The following PCDHGA4 variants were observed in gnomAD, a reference collection of about 807,000 sequenced individuals.
PCDHGA4 encodes protocadherin gamma subfamily A, 4.
PCDHGA4 carries 38 observed loss-of-function variants against 54.6 expected under a neutral mutation model. The ratio of observed to expected loss-of-function variants is 0.70; its 90% CI spans 0.54 to 0.91. The LOEUF is 0.91. Among genes scored for constraint, PCDHGA4 ranks in the 40% least tolerant of loss-of-function variants. The probability of loss-of-function intolerance (pLI) is 0.00; values close to 1 mark genes in which losing one functional copy is unlikely to be tolerated. For missense variants in PCDHGA4, 1,298 were observed against 1,220.9 expected (o/e 1.06, Z -0.94); for synonymous variants, 511 against 512.9 (o/e 1.00, Z 0.05).
chr5:141,409,927 C>T, intron 1 of PCDHGA4: 5 of 1,613,342 alleles, frequency 3.1e-6, no homozygotes, highest in Middle Eastern at 1.6e-4. Flanking sequence ...CCGCGTTCTT[C>T]GATATGGTAC....
intron 1 of PCDHGA4, chr5:141,361,498 A>G (rs1392644737): frequency 1.2e-6 from 2 of 1,613,948 alleles, no homozygotes; most frequent in Admixed American, 1.7e-5. Context: ...TTTCCAACAG[A>G]CTTCCTACAT....
At chr5:141,370,549 A>C in intron 1 of PCDHGA4, 1 of 1,613,956 alleles carries the variant, frequency 6.2e-7, no homozygotes, top group Non-Finnish European at 8.5e-7. Flanking sequence ...AACCTCGCCA[A>C]GGACCTGGGG....
intron 1 of PCDHGA4, chr5:141,415,339 C>T (rs776585248): frequency 7.4e-6 from 12 of 1,614,190 alleles, no homozygotes; most frequent in Non-Finnish European, 1.0e-5. Context: ...CAGGCTGCGG[C>T]GCTGGCACAA....
intron 1 of PCDHGA4, among the ~76,000 whole-genome samples, chr5:141,382,255 A>C (rs999860225): frequency 6.6e-6 from 1 of 152,204 alleles, no homozygotes. Flanking sequence ...ATCTTGCATC[A>C]TGGTGTCTAG....
At chr5:141,464,748 T>C (rs995568259) in intron 1 of PCDHGA4, among the ~76,000 whole-genome samples, 2 of 152,190 alleles carry the variant, frequency 1.3e-5, no homozygotes, top group Admixed American at 1.3e-4. Context: ...TATCTTTTTG[T>C]TTTTTTAGAG....
chr5:141,496,160 G>C (rs1428576442), intron 2 of PCDHGA4, among the ~76,000 whole-genome samples: 2 of 151,600 alleles, frequency 1.3e-5, no homozygotes, highest in Admixed American at 6.6e-5. Flanking sequence ...CTCTCCACCA[G>C]ACACCCTCCC....
intron 1 of PCDHGA4, among the ~76,000 whole-genome samples, chr5:141,369,397 TG>T (rs1766213103): frequency 6.6e-6 from 1 of 152,082 alleles, no homozygotes; most frequent in Non-Finnish European, 1.5e-5. Flanking sequence ...TGGGCCAGGG[TG>T]GTTCATGACT....
intron 1 of PCDHGA4, chr5:141,398,027 T>G: frequency 6.9e-7 from 1 of 1,449,556 alleles, no homozygotes; most frequent in Non-Finnish European, 9.2e-7. Context: ...AAACTGGAAC[T>G]GGAACTAAAG....
intron 1 of PCDHGA4, chr5:141,366,233 A>G (rs1354193643): frequency 6.2e-7 from 1 of 1,613,674 alleles, no homozygotes; most frequent in Non-Finnish European, 8.5e-7. Flanking sequence ...CCTGCTGGAC[A>G]GAGACGCGCT....
intron 3 of PCDHGA4, among the ~76,000 whole-genome samples, chr5:141,510,373 T>TC (rs112437269): frequency 0.25 from 37,727 of 151,394 alleles, 4,765 homozygotes; most frequent in Admixed American, 0.33. Context: ...GAATCTCTAC[T>TC]CGTGCCAGGC....
At chr5:141,414,305 A>G (rs2095732833) in intron 1 of PCDHGA4, 2 of 1,613,604 alleles carry the variant, frequency 1.2e-6, no homozygotes, top group African/African-American at 2.7e-5. Flanking sequence ...AATGTGCATG[A>G]TTTAGACTCT....
intron 1 of PCDHGA4, chr5:141,395,105 G>T: frequency 1.9e-6 from 3 of 1,614,220 alleles, no homozygotes; most frequent in Non-Finnish European, 2.5e-6. Context: ...CCGACTCGCG[G>T]AAGAGTCACC....
At chr5:141,360,319 C>A (rs1761531908) in intron 1 of PCDHGA4, 2 of 1,613,782 alleles carry the variant, frequency 1.2e-6, no homozygotes, top group African/African-American at 2.7e-5. Flanking sequence ...CCGGGACTTG[C>A]CAGCCCGGAA....
chr5:141,421,715 T>G (rs756472123), intron 1 of PCDHGA4: 1 of 1,613,960 alleles, frequency 6.2e-7, no homozygotes, highest in Admixed American at 1.7e-5. Context: ...GATCCAGATG[T>G]GGGCGTGAAC....
At chr5:141,454,267 A>G (rs1270638226) in intron 1 of PCDHGA4, among the ~76,000 whole-genome samples, 1 of 152,254 alleles carries the variant, frequency 6.6e-6, no homozygotes, top group Non-Finnish European at 1.5e-5. Context: ...AAGTAATGCC[A>G]GCAAAAACTT....
chr5:141,432,237 A>T lies in PCDHGA4; in HGVS notation c.2515-62570A>T. ...GCCCAGATCACTTATTCCCTGGCTG[A>T]GAACACCATCCAAGGGGCAAGCCTA... On this transcript the variant is annotated intron_variant, in intron 1 of 3. Transcript: ENST00000571252. The surrounding 1 kb of genome is among the most constrained non-coding windows in gnomAD (Gnocchi z 6.0). The T allele has an allele frequency of 2.5e-6, 4 of 1,614,224 alleles. No individual in the cohort carries two copies. Among genetic ancestry groups the T allele is most frequent in the Non-Finnish European group, 3.4e-6 (4 of 1,180,032 alleles).
intron 1 of PCDHGA4, chr5:141,387,848 C>A (rs746271589): frequency 1.1e-5 from 18 of 1,597,460 alleles, no homozygotes; most frequent in Non-Finnish European, 1.5e-5. Flanking sequence ...AACCCGGCGT[C>A]TCCAGGCTGG....
chr5:141,413,176 A>G lies in PCDHGA4; in HGVS notation c.2514+55555A>G, dbSNP rs758582296. 252 of 1,601,774 alleles carry G rather than the reference A, an allele frequency of 1.6e-4. 1 individual carries two copies. Among genetic ancestry groups the G allele is most frequent in the Non-Finnish European group, 2.1e-4 (243 of 1,173,006 alleles). Reference sequence around the variant, plus strand: ...TGCAGAATTCTGTAACCAGACTACAATGGCCGCTCAAAGGAATCGCTCAAA... The same window carrying G: ...TGCAGAATTCTGTAACCAGACTACAGTGGCCGCTCAAAGGAATCGCTCAAA... On this transcript the variant is annotated intron_variant, in intron 1 of 3. Coordinates refer to ENST00000571252, the MANE Select transcript of PCDHGA4 (RefSeq NM_018917.4).
chr5:141,384,491 G>A (rs1370590293), intron 1 of PCDHGA4: 7 of 1,614,160 alleles, frequency 4.3e-6, no homozygotes, highest in East Asian at 4.5e-5. Flanking sequence ...CTACAACTAA[G>A]AGTGACTGCA....
Sources: gnomAD v4.1 joint callset for allele counts (sites outside exome capture counted in the v4.1 genomes callset) on GRCh38, gnomAD v4.1.1 for gene constraint, Gnocchi (gnomAD v3.1) non-coding constraint, MANE v1.5 for transcripts, NCBI Gene and HGNC (gene_info 2026-07-23, HGNC 2026-07-21) for gene names.